ITGB2: variants seen among roughly 807,000 people sequenced by gnomAD.
ITGB2 encodes the protein integrin subunit beta 2.
ITGB2 carries 56 observed loss-of-function variants against 86.8 expected under a neutral mutation model. The observed-to-expected ratio is 0.65, with a 90% CI of 0.52 to 0.81. The LOEUF is 0.81. ITGB2 is among the 30% of genes least tolerant of loss of function. The pLI, the probability that ITGB2 is intolerant of heterozygous loss-of-function variation, is 0.00. For synonymous variants in ITGB2, 457 were observed against 450.4 expected (o/e 1.01, Z -0.19); for missense variants, 948 against 1,061.2 (o/e 0.89, Z 1.48).
intron 13 of ITGB2, 54 bp downstream of exon 13, chr21:44,889,222 G>A (rs1248046212): frequency 6.4e-7 from 1 of 1,555,258 alleles, no homozygotes; most frequent in South Asian, 1.1e-5. Context: ...CTGCTGGGTA[G>A]GTGGCCGGGG....
chr21:44,919,699 C>T (rs1015196202), intron 1 of ITGB2, among the ~76,000 whole-genome samples: 15 of 152,200 alleles, frequency 9.9e-5, no homozygotes, highest in Admixed American at 5.2e-4. Flanking sequence ...TCCGGCCATC[C>T]CCCCCCTTCC....
chr21:44,908,192 G>A (rs971934330), intron 3 of ITGB2: 24 of 710,040 alleles, frequency 3.4e-5, no homozygotes, highest in African/African-American at 2.6e-4. Context: ...CCTGTGGGAC[G>A]CAAAATTGAG....
At chr21:44,888,131 C>T (rs1016630454) in intron 14 of ITGB2, among the ~76,000 whole-genome samples, 23 of 149,846 alleles carry the variant, frequency 1.5e-4, no homozygotes, top group African/African-American at 2.4e-4. Flanking sequence ...GGACTGGTTC[C>T]GACTGGAGCC....
intron 1 of ITGB2, among the ~76,000 whole-genome samples, chr21:44,919,721 A>G (rs1387598932): frequency 6.6e-6 from 1 of 151,976 alleles, no homozygotes; most frequent in African/African-American, 2.4e-5. Flanking sequence ...CATTGCAGCC[A>G]TGCCACCCCT....
chr21:44,900,989 T>C (rs1019223893), intron 6 of ITGB2, among the ~76,000 whole-genome samples: 1 of 152,070 alleles, frequency 6.6e-6, no homozygotes, highest in African/African-American at 2.4e-5. Flanking sequence ...GCAGGAGAGC[T>C]AAGGTGGGTT....
At chr21:44,889,553 C>G in intron 12 of ITGB2, 58 bp from the exon 13 acceptor site, 4 of 1,450,396 alleles carry the variant, frequency 2.8e-6, no homozygotes, top group Admixed American at 2.0e-5. Flanking sequence ...GAGACCCGCC[C>G]GAAACCCCAC....
In ITGB2 at chr21:44,903,501, C is replaced by G. The variant is rs2146531845; in HGVS notation, c.363G>C (p.Arg121=). 6.2e-7 allele frequency: 1 copy of G among 1,614,058 alleles called. No homozygotes were observed. Among genetic ancestry groups the G allele is most frequent in the Admixed American group, 1.7e-5 (1 of 60,014 alleles). Residue 121 remains arginine, a synonymous_variant, in exon 5 of 16, where the codon CGG becomes CGC. Coordinates refer to ENST00000652462, the MANE Select transcript of ITGB2 (RefSeq NM_000211.5). ...QAAAFNVTFR[R]AKGYPIDLYY... ...ACAGGTCGATGGGGTAGCCCTTGGC[C>G]CGCCGGAAGGTCACGTTGAACGCTG...
intron 11 of ITGB2, 107 bp downstream of exon 11, chr21:44,891,702 T>A: frequency 7.7e-7 from 1 of 1,302,404 alleles, no homozygotes; most frequent in South Asian, 1.3e-5. Context: ...GCCTGCTCCG[T>A]GGGGTGGGGG....
chr21:44,915,224 T>C (rs1013272173), intron 1 of ITGB2, among the ~76,000 whole-genome samples: 3 of 152,116 alleles, frequency 2.0e-5, no homozygotes, highest in African/African-American at 4.8e-5. Context: ...CGAGGTTTCA[T>C]CGTGTTGATC....
chr21:44,901,557 T>C lies in ITGB2; in HGVS notation c.676A>G (p.Ile226Val). 1.2e-6 allele frequency: 2 copies of C among 1,614,248 alleles called. No individual in the cohort carries two copies. Among genetic ancestry groups the C allele is most frequent in the Non-Finnish European group, 1.7e-6 (2 of 1,180,044 alleles). ...QFQTEVGKQL[I>V]SGNLDAPEGG... ...TCGGGTGCATCCAGGTTTCCGGAAA[T>C]CAGCTGCTTCCCGACCTCGGTCTGA... The change falls in exon 6 of 16, where the codon ATT becomes GTT. Residue 226 changes from isoleucine (I) to valine (V), a missense_variant. Physicochemically the swap from Ile to Val is conservative, Grantham distance 29 (BLOSUM62 3). Coordinates refer to ENST00000652462, the MANE Select transcript of ITGB2 (RefSeq NM_000211.5).
At chr21:44,927,201 G>C (rs4818984) in intron 1 of ITGB2, among the ~76,000 whole-genome samples, 40,052 of 152,102 alleles carry the variant, frequency 0.26, 5,476 homozygotes, top group Admixed American at 0.31. Context: ...CCCCATAGGA[G>C]CAGGGTTTGA....
chr21:44,922,755 T>A (rs1365372872), upstream of ITGB2, among the ~76,000 whole-genome samples: 1 of 150,854 alleles, frequency 6.6e-6, no homozygotes, highest in Non-Finnish European at 1.5e-5. Context: ...CAATAAAACA[T>A]TGGGAATAAT....
chr21:44,902,895 G>A (rs543733948), intron 5 of ITGB2, among the ~76,000 whole-genome samples: 1 of 152,354 alleles, frequency 6.6e-6, no homozygotes, highest in African/African-American at 2.4e-5. Context: ...ACGGCCGGCG[G>A]GGAAGACATG....
At position 44,900,891 on chromosome 21, in the gene ITGB2, C is replaced by G. The variant is rs530716111; in HGVS notation, c.742-416G>C. On this transcript the variant is annotated intron_variant, in intron 6 of 15. Coordinates refer to ENST00000652462, the MANE Select transcript of ITGB2 (RefSeq NM_000211.5). ...AGGCCTTGAGTCCACCATTGACAGC[C>G]CCTGGCAGGCGCATGTGGGGGCCGT... 2.6e-3 allele frequency among the ~76,000 whole-genome samples: 398 copies of G among 152,322 alleles called. 1 individual carries two copies. The highest frequency in any genetic ancestry group is 4.2e-3 in the Non-Finnish European group (285 of 68,022).
At chr21:44,886,496 G>T in intron 15 of ITGB2, 66 bp from the exon 16 acceptor site, 1 of 1,541,136 alleles carries the variant, frequency 6.5e-7, no homozygotes, top group South Asian at 1.1e-5. Context: ...CTTTCTCCCT[G>T]AGGACACTCC....
chr21:44,916,791 C>A (rs1015471782), intron 1 of ITGB2, among the ~76,000 whole-genome samples: 4 of 151,594 alleles, frequency 2.6e-5, no homozygotes, highest in Non-Finnish European at 4.4e-5. Flanking sequence ...TCACTTGAGC[C>A]CGGGAGGCAG....
chr21:44,911,884 G>A (rs1020003105), intron 1 of ITGB2, among the ~76,000 whole-genome samples: 23 of 152,134 alleles, frequency 1.5e-4, no homozygotes, highest in African/African-American at 5.3e-4. Context: ...CCAGGCCTAG[G>A]TCGGCTCCTT....
In ITGB2 at chr21:44,918,428, C is replaced by T. The variant is rs191453781; in HGVS notation, c.-4+2393G>A. 2.2e-3 allele frequency among the ~76,000 whole-genome samples: 338 copies of T among 152,348 alleles called. 1 individual carries two copies. Among genetic ancestry groups the T allele is most frequent in the Non-Finnish European group, 3.8e-3 (256 of 68,024 alleles). ...CCAGAGTGGACAGACCTGGGCCTGGCAGGAGCCCTGGGGAAGTGAGTTCAA... is the reference window on the plus strand; with the variant it reads ...CCAGAGTGGACAGACCTGGGCCTGGTAGGAGCCCTGGGGAAGTGAGTTCAA... On this transcript the variant is annotated intron_variant, in intron 1 of 15. Transcript: ENST00000652462.
In ITGB2 at chr21:44,898,501, T is replaced by C. The variant is rs902104803; in HGVS notation, c.993+566A>G. ...CAAATCACTGATCCTGAGAAAGGTCTTGGGAACCCCAACAGCACCTGAGCG... is the reference window on the plus strand; with the variant it reads ...CAAATCACTGATCCTGAGAAAGGTCCTGGGAACCCCAACAGCACCTGAGCG... On this transcript the variant is annotated intron_variant, in intron 8 of 15. Transcript: ENST00000652462. Among the ~76,000 whole-genome samples, 8 of 152,254 alleles carry C rather than the reference T, an allele frequency of 5.3e-5. 1 individual carries two copies. The highest frequency in any genetic ancestry group is 1.9e-4 in the African/African-American group (8 of 41,472).
Sources: allele counts gnomAD v4.1 joint callset (sites outside exome capture counted in the v4.1 genomes callset), GRCh38; gene constraint gnomAD v4.1.1; transcripts MANE v1.5; gene names NCBI Gene and HGNC (gene_info 2026-07-23, HGNC 2026-07-21).